SKOR2: variants seen among roughly 807,000 people sequenced by gnomAD.
SKOR2 encodes LBX1 corepressor 1-like protein.
In SKOR2, 47 loss-of-function variants were observed where a neutral mutation model predicts 69.1. The ratio of observed to expected loss-of-function variants is 0.68; its 90% CI spans 0.54 to 0.87. The LOEUF (loss-of-function observed/expected upper bound fraction) is 0.87. Ranked by LOEUF, SKOR2 falls within the 40% of genes least tolerant of loss-of-function variation. The probability of loss-of-function intolerance (pLI) is 0.00; values close to 1 mark genes in which losing one functional copy is unlikely to be tolerated. For synonymous variants in SKOR2, 717 were observed against 672.6 expected, an observed-to-expected ratio of 1.07 and a Z score of -1.02; for missense variants, 1,404 against 1,472.2, an observed-to-expected ratio of 0.95 and a Z score of 0.76.
intron 7 of SKOR2, among the ~76,000 whole-genome samples, chr18:47,217,213 G>A (rs921479426): frequency 4.6e-5 from 7 of 152,180 alleles, no homozygotes; most frequent in African/African-American, 1.7e-4. Context: ...ACTACTTTGA[G>A]AAGGGCCACA....
At chr18:47,222,290 T>C (rs966988685) in intron 6 of SKOR2, among the ~76,000 whole-genome samples, 1 of 151,060 alleles carries the variant, frequency 6.6e-6, no homozygotes, top group Non-Finnish European at 1.5e-5. Context: ...CACTCCAGTC[T>C]GAGTGACAAA....
At position 47,218,096 on chromosome 18, in the gene SKOR2, C is replaced by A. The variant is rs192737176; in HGVS notation, c.2985+1847G>T. Among the ~76,000 whole-genome samples, 7 of 152,098 alleles carry A rather than the reference C, an allele frequency of 4.6e-5. No individual in the cohort carries two copies. In the East Asian group the frequency reaches 9.7e-4, roughly 21 times the overall value. ...ATCCTATCTGCTTAGTACATGGAGA[C>A]AATATAATTTCCTCTTTTACTAAAG... is the stretch of plus-strand genomic sequence containing the variant. On this transcript the variant is annotated intron_variant, in intron 7 of 8. Transcript: ENST00000425639.
chr18:47,229,562 G>C (rs1328883192), intron 6 of SKOR2, among the ~76,000 whole-genome samples: 2 of 152,114 alleles, frequency 1.3e-5, no homozygotes, highest in Non-Finnish European at 2.9e-5. Context: ...GCTGAGACAG[G>C]AGAATTGCTT....
chr18:47,245,478 A>ATGTTTTTTTT lies in SKOR2; in HGVS notation c.2677+19_2677+20insAAAAAAAACA. Reference sequence around the variant, plus strand: ...ATGCAGGCAAGAAAAGTGGCAGCTGATTTTTTTTTTTTTTTTTACCTGAAA... The same window carrying ATGTTTTTTTT: ...ATGCAGGCAAGAAAAGTGGCAGCTGATGTTTTTTTTTTTTTTTTTTTTTTTTTACCTGAAA... On this transcript the variant is annotated intron_variant, in intron 3 of 8. Transcript: ENST00000425639. The ATGTTTTTTTT allele has an allele frequency of 8.4e-7, 1 of 1,194,644 alleles. No homozygotes were observed. Among genetic ancestry groups the ATGTTTTTTTT allele is most frequent in the Non-Finnish European group, 1.1e-6 (1 of 933,368 alleles). The allele number at this position is 1,194,644 out of a possible 1,614,324, so 74.0% of individuals were successfully genotyped here.
At chr18:47,238,320 CTTTTTTTT>C (rs772229985) in intron 4 of SKOR2, among the ~76,000 whole-genome samples, 29 of 108,068 alleles carry the variant, frequency 2.7e-4, no homozygotes, top group Non-Finnish European at 5.1e-4. Context: ...CTTTTCTTTT[CTTTTTTTT>C]TTTTTTTTTT....
intron 7 of SKOR2, among the ~76,000 whole-genome samples, chr18:47,217,896 C>T (rs754880361): frequency 3.9e-5 from 6 of 151,948 alleles, no homozygotes; most frequent in Non-Finnish European, 8.8e-5. Context: ...TAATTTGCTA[C>T]CAGGAATAGT....
intron 1 of SKOR2, among the ~76,000 whole-genome samples, chr18:47,250,021 T>C (rs2064305810): frequency 6.6e-6 from 1 of 152,206 alleles, no homozygotes; most frequent in African/African-American, 2.4e-5. Context: ...TGTTTTACTG[T>C]CATTTCCATG....
At position 47,212,155 on chromosome 18, in the gene SKOR2, T is replaced by G; in HGVS notation, c.2986-4A>C. Reference sequence around the variant, plus strand: ...TCAAACTTGCTGCATAGGGGATCTGTAAGACAAAAACAAGCAACACCATCC... The same window carrying G: ...TCAAACTTGCTGCATAGGGGATCTGGAAGACAAAAACAAGCAACACCATCC... On this transcript the variant is annotated splice_region_variant and splice_polypyrimidine_tract_variant and intron_variant, in intron 7 of 8. Coordinates refer to ENST00000425639, the MANE Select transcript of SKOR2 (RefSeq NM_001278063.4). 8.1e-7 allele frequency: 1 copy of G among 1,231,920 alleles called. No homozygotes were observed. The highest frequency in any genetic ancestry group is 1.6e-5 in the African/African-American group (1 of 64,506). 76.3% of individuals were successfully genotyped at this position (1,231,920 alleles called of 1,614,324 possible). A position where few individuals can be genotyped will look rare whatever the true frequency, so the allele number is the denominator to read the frequency against.
In SKOR2 at chr18:47,248,899, C is replaced by T. The variant is rs1024698954; in HGVS notation, c.285G>A (p.Thr95=). The T allele has an allele frequency of 2.6e-6, 4 of 1,568,620 alleles. No individual in the cohort carries two copies. Among genetic ancestry groups the T allele is most frequent in the South Asian group, 2.3e-5 (2 of 86,602 alleles). Residue 95 remains threonine, a synonymous_variant, in exon 2 of 9, where the codon ACG becomes ACA. Coordinates refer to ENST00000425639, the MANE Select transcript of SKOR2 (RefSeq NM_001278063.4). The surrounding 1 kb of genome is among the most constrained non-coding windows in gnomAD (Gnocchi z 6.4). ...GCCGCAGGATCTCCAGTTGCACCGG[C>T]GTGCACTGCACACACGTGATGCCCA... ...VALGITCVQC[T]PVQLEILRRA... is the part of the protein sequence containing the mutation.
chr18:47,241,970 C>A (rs74540703), intron 4 of SKOR2, among the ~76,000 whole-genome samples: 10,022 of 152,170 alleles, frequency 0.066, 487 homozygotes, highest in Non-Finnish European at 0.089. Context: ...AACTATTGAC[C>A]GCACTGCCCT....
intron 4 of SKOR2, among the ~76,000 whole-genome samples, chr18:47,238,302 A>C (rs534053601): frequency 1.4e-5 from 2 of 147,396 alleles, no homozygotes; most frequent in Non-Finnish European, 3.0e-5. Flanking sequence ...TTAGTAAATA[A>C]TTTTTTTCTT....
Position 47,247,037 on chromosome 18 carries a change from A to G in SKOR2, c.2147T>C (p.Leu716Pro). 1.4e-6 allele frequency: 2 copies of G among 1,431,200 alleles called. No homozygotes were observed. The highest frequency in any genetic ancestry group is 1.3e-5 in the South Asian group (1 of 77,468). 88.7% of individuals were successfully genotyped at this position (1,431,200 alleles called of 1,614,324 possible). ...GCAGCTGGTTCCCCCGGGAGACAGA[A>G]GGCCTCGGTGGTGCGGGTGCTGGGC... Reference protein sequence around the residue: ...PLAQHPHHRGLLSPGGTSCCY... With the variant: ...PLAQHPHHRGPLSPGGTSCCY... Residue 716 changes from leucine (L) to proline (P), a missense_variant, in exon 2 of 9, where the codon CTT becomes CCT. Physicochemically the swap from Leu to Pro is moderately conservative, Grantham distance 98 (BLOSUM62 -3). Around this residue, in one of 3 missense-constraint regions of SKOR2, gnomAD observed 1,266 missense variants for 1,309.9 expected, o/e 0.97. Transcript: ENST00000425639. The surrounding 1 kb of genome is among the most constrained non-coding windows in gnomAD (Gnocchi z 6.6).
intron 4 of SKOR2, among the ~76,000 whole-genome samples, chr18:47,233,043 G>A (rs2064206090): frequency 6.6e-6 from 1 of 152,184 alleles, no homozygotes; most frequent in Admixed American, 6.5e-5. Flanking sequence ...GTATGTTTGT[G>A]TGTGTTTGTG....
rs920102801 is a variant in SKOR2, at chr18:47,247,179, G to A, written c.2005C>T (p.Pro669Ser). Residue 669 changes from proline (P) to serine (S), a missense_variant, in exon 2 of 9, where the codon CCC becomes TCC. Physicochemically the swap from Pro to Ser is moderately conservative, Grantham distance 74. Around this residue, in one of 3 missense-constraint regions of SKOR2, gnomAD observed 1,266 missense variants for 1,309.9 expected, o/e 0.97. Transcript: ENST00000425639. This position sits in a 1 kb window ranked among gnomAD's most constrained non-coding sequence, Gnocchi z 6.6. Reference protein sequence around the residue: ...HPHHHHHHHHPPQPPSPLLLL... With the variant: ...HPHHHHHHHHSPQPPSPLLLL... ...AGAAGCGGCGACGGCGGCTGCGGGG[G>A]GTGGTGGTGGTGGTGGTGGTGGTGA... The A allele has an allele frequency of 2.5e-6, 3 of 1,215,304 alleles. No homozygotes were observed. The African/African-American group carries it at 5.2e-5, about 21-fold the overall frequency. The allele number at this position is 1,215,304 out of a possible 1,614,324, so 75.3% of individuals were successfully genotyped here. A position where few individuals can be genotyped will look rare whatever the true frequency, so the allele number is the denominator to read the frequency against.
At chr18:47,224,234 T>C (rs2144489295) in intron 6 of SKOR2, among the ~76,000 whole-genome samples, 1 of 152,258 alleles carries the variant, frequency 6.6e-6, no homozygotes, top group Admixed American at 6.5e-5. Context: ...TAAAGGTTGA[T>C]GAAGACAGAG....
At position 47,247,502 on chromosome 18, in the gene SKOR2, G is replaced by T; in HGVS notation, c.1682C>A (p.Pro561His). Residue 561 changes from proline (P) to histidine (H), a missense_variant, in exon 2 of 9, where the codon CCC (proline) becomes CAC (histidine). By Grantham distance (77) the Pro-to-His change is moderately conservative. Around this residue, in one of 3 missense-constraint regions of SKOR2, gnomAD observed 1,266 missense variants for 1,309.9 expected, o/e 0.97. Transcript: ENST00000425639. This position sits in a 1 kb window ranked among gnomAD's most constrained non-coding sequence, Gnocchi z 6.6. ...GCAGTCCCCGCCGCTGCCGCCCGGGGGCGACTCGAAGAGCGCGTCGCGAGA... is the reference window on the plus strand; with the variant it reads ...GCAGTCCCCGCCGCTGCCGCCCGGGTGCGACTCGAAGAGCGCGTCGCGAGA... ...AGSRDALFES[P>H]PGGSGGDCSA... The T allele has an allele frequency of 8.3e-7, 1 of 1,209,388 alleles. No homozygotes were observed. Among genetic ancestry groups the T allele is most frequent in the South Asian group, 4.1e-5 (1 of 24,378 alleles). The allele number at this position is 1,209,388 out of a possible 1,614,324, so 74.9% of individuals were successfully genotyped here.
intron 6 of SKOR2, among the ~76,000 whole-genome samples, chr18:47,229,867 G>A (rs576579925): frequency 6.6e-6 from 1 of 152,204 alleles, no homozygotes; most frequent in South Asian, 2.1e-4. Context: ...AGAACTAACA[G>A]TTTTTAGGCT....
chr18:47,234,256 TAA>T (rs11285386), intron 4 of SKOR2, among the ~76,000 whole-genome samples: 1 of 150,872 alleles, frequency 6.6e-6, no homozygotes, highest in African/African-American at 2.4e-5. Flanking sequence ...TCCATCTGGT[TAA>T]AAAAAAAGGC....
intron 1 of SKOR2, among the ~76,000 whole-genome samples, chr18:47,250,233 A>T (rs746558333): frequency 6.6e-6 from 1 of 152,198 alleles, no homozygotes; most frequent in Admixed American, 6.5e-5. Context: ...CCATACAGCC[A>T]ATCGGTGGAC....
Sources: allele counts gnomAD v4.1 joint callset (sites outside exome capture counted in the v4.1 genomes callset), GRCh38; gene constraint gnomAD v4.1.1; regional missense constraint gnomAD v4.1.1; non-coding constraint Gnocchi (gnomAD v3.1); transcripts MANE v1.5; gene names NCBI Gene and HGNC (gene_info 2026-07-23, HGNC 2026-07-21).